The following MOV10L1 variants were observed in gnomAD, a reference collection of about 807,000 sequenced individuals.
MOV10L1 encodes the protein RNA helicase Mov10l1.
In MOV10L1, 110 loss-of-function variants were observed where a neutral mutation model predicts 143.8. The ratio of observed to expected loss-of-function variants is 0.76; its 90% CI spans 0.66 to 0.90. The LOEUF is 0.90. Ranked by LOEUF, MOV10L1 falls within the 40% of genes least tolerant of loss-of-function variation. MOV10L1 has a pLI of 0.00. For missense variants in MOV10L1, 1,406 were observed against 1,526.8 expected (o/e 0.92, Z 1.32); for synonymous variants, 593 against 581.1 (o/e 1.02, Z -0.29).
chr22:50,115,163 A>G lies in MOV10L1; in HGVS notation c.1176A>G (p.Ser392=), dbSNP rs745605911. Residue 392 remains serine (S), a synonymous_variant, in exon 8 of 27, where the codon TCA becomes TCG. Coordinates refer to ENST00000262794, the MANE Select transcript of MOV10L1 (RefSeq NM_018995.3). ...GENGEKDNIL[S]RKQMTEPEPG... ...ATGGAGAAAAAGACAACATTCTATC[A>G]AGGAAGCAGATGACAGAGCCTGAGC... The G allele has an allele frequency of 1.9e-6, 3 of 1,572,080 alleles. No individual in the cohort carries two copies. Among genetic ancestry groups the G allele is most frequent in the Middle Eastern group, 1.7e-4 (1 of 5,958 alleles).
intron 15 of MOV10L1, among the ~76,000 whole-genome samples, chr22:50,139,650 A>G (rs901046546): frequency 2.6e-5 from 4 of 152,258 alleles, no homozygotes; most frequent in Non-Finnish European, 5.9e-5. Context: ...GTATTCGGAA[A>G]ACATATGAAA....
Position 50,134,550 on chromosome 22 carries a change from A to T in MOV10L1, c.1990A>T (p.Ile664Phe). The change falls in exon 15 of 27, where the codon ATT becomes TTT. Residue 664 changes from isoleucine to phenylalanine, a missense_variant. Ile to Phe is a conservative substitution (Grantham distance 21). Transcript: ENST00000262794. The stretch of plus-strand genomic sequence containing the variant: ...AAAAGTGTTGTTTCCAGAAGAAATT[A>T]TTTTACAGTCTCCACAAGTGACGGG... ...GVKVLFPEEI[I>F]LQSPQVTGNW... 6.2e-7 allele frequency: 1 copy of T among 1,614,130 alleles called. No homozygotes were observed. The highest frequency in any genetic ancestry group is 8.5e-7 in the Non-Finnish European group (1 of 1,179,998).
chr22:50,122,442 T>G (rs2062372570), intron 10 of MOV10L1, among the ~76,000 whole-genome samples: 2 of 152,378 alleles, frequency 1.3e-5, no homozygotes, highest in East Asian at 1.9e-4. Context: ...AACAGTTTTT[T>G]GTGGAATCTT....
At chr22:50,135,261 C>T (rs12628151) in intron 15 of MOV10L1, among the ~76,000 whole-genome samples, 34,028 of 151,582 alleles carry the variant, frequency 0.22, 4,179 homozygotes, top group Admixed American at 0.35. Context: ...ATCCACCCTC[C>T]TCGGCCTCCC....
chr22:50,160,555 T>G, intron 24 of MOV10L1, 133 bp from the exon 25 acceptor site: 1 of 1,201,324 alleles, frequency 8.3e-7, no homozygotes, highest in Non-Finnish European at 1.1e-6. Flanking sequence ...CCCGGCCTCC[T>G]GTTTCTTTTT....
chr22:50,108,344 G>T, intron 4 of MOV10L1, 96 bp downstream of exon 4: 1 of 1,168,464 alleles, frequency 8.6e-7, no homozygotes, highest in Non-Finnish European at 1.3e-6. Context: ...TGTGTTGGAA[G>T]CCTGGAAAAA....
intron 15 of MOV10L1, among the ~76,000 whole-genome samples, chr22:50,137,611 A>G (rs551775431): frequency 3.3e-5 from 5 of 152,050 alleles, no homozygotes; most frequent in Admixed American, 2.6e-4. Context: ...AGGCTGAGGC[A>G]GGAGAATCGC....
chr22:50,111,000 T>G (rs2062008946), intron 5 of MOV10L1, among the ~76,000 whole-genome samples: 1 of 152,160 alleles, frequency 6.6e-6, no homozygotes, highest in South Asian at 2.1e-4. Flanking sequence ...ATGACGAGGC[T>G]TCCCTGAGCT....
chr22:50,110,172 G>C (rs543714343), intron 5 of MOV10L1, among the ~76,000 whole-genome samples: 7 of 151,716 alleles, frequency 4.6e-5, no homozygotes, highest in African/African-American at 1.2e-4. Flanking sequence ...CTGTCTTGCC[G>C]GGCGCGGTGG....
chr22:50,150,650 G>C, intron 20 of MOV10L1, 85 bp from the exon 21 acceptor site: 1 of 1,451,840 alleles, frequency 6.9e-7, no homozygotes, highest in South Asian at 1.3e-5. Context: ...GGGCCATCCT[G>C]CGCACAGCCC....
At chr22:50,097,028 G>C (rs770075001) in intron 2 of MOV10L1, among the ~76,000 whole-genome samples, 24 of 152,106 alleles carry the variant, frequency 1.6e-4, no homozygotes, top group Non-Finnish European at 3.2e-4. Flanking sequence ...TCACACTCAA[G>C]ATACCATTGA....
At chr22:50,140,518 C>G (rs1356443332) in intron 15 of MOV10L1, among the ~76,000 whole-genome samples, 1 of 151,974 alleles carries the variant, frequency 6.6e-6, no homozygotes, top group African/African-American at 2.4e-5. Context: ...TGTCTTGGGC[C>G]ACACATAAAA....
At chr22:50,125,254 C>T (rs2062464435) in intron 10 of MOV10L1, 138 bp from the exon 11 acceptor site, 1 of 773,268 alleles carries the variant, frequency 1.3e-6, no homozygotes, top group Non-Finnish European at 2.1e-6. Flanking sequence ...GAGGCACCTG[C>T]AGACTCCGGC....
At chr22:50,143,907 A>T (rs9628290) in intron 17 of MOV10L1, among the ~76,000 whole-genome samples, 190 bp from the exon 18 acceptor site, 234 of 152,264 alleles carry the variant, frequency 1.5e-3, no homozygotes, top group African/African-American at 5.5e-3. Context: ...GAACCTTCCC[A>T]CCTAACCCAT....
At chr22:50,114,724 G>A (rs1207599756) in intron 7 of MOV10L1, 102 bp downstream of exon 7, 18 of 1,495,436 alleles carry the variant, frequency 1.2e-5, no homozygotes, top group Non-Finnish European at 1.5e-5. Flanking sequence ...CAGGACACCC[G>A]GCAGCTACAG....
Position 50,160,751 on chromosome 22 carries a change from A to T in MOV10L1, c.3388A>T (p.Lys1130Ter). 6 of 1,614,148 alleles carry T rather than the reference A, an allele frequency of 3.7e-6. No homozygotes were observed. The highest frequency in any genetic ancestry group is 5.1e-6 in the Non-Finnish European group (6 of 1,180,026). ...RYFLGFLSNS[K>*]RFNVAITRPK... ...TTTTTTGGGTTTCTTGTCCAACTCA[A>T]AAAGATTTAATGTTGCAATCACCAG... Residue 1130 changes from lysine to a stop codon, truncating the protein, a stop_gained, in exon 25 of 27, where the codon AAA (lysine) becomes TAA (stop). Coordinates refer to ENST00000262794, the MANE Select transcript of MOV10L1 (RefSeq NM_018995.3). LOFTEE classifies it high-confidence loss of function.
At chr22:50,091,926 C>T (rs2062454964) in intron 1 of MOV10L1, 75 bp from the exon 2 acceptor site, 9 of 1,454,850 alleles carry the variant, frequency 6.2e-6, no homozygotes, top group Non-Finnish European at 8.4e-6. Context: ...TGCACTCTGC[C>T]TTTCTCTGGT....
intron 10 of MOV10L1, among the ~76,000 whole-genome samples, chr22:50,122,842 C>T (rs146412066): frequency 1.7e-4 from 26 of 151,160 alleles, no homozygotes; most frequent in East Asian, 5.9e-4. Flanking sequence ...AGTGCAGTGG[C>T]GCAATCACAG....
rs2063335192 is a variant in MOV10L1, at chr22:50,152,910, C to A, written c.2893-135C>A. 2 of 857,536 alleles carry A rather than the reference C, an allele frequency of 2.3e-6. No individual in the cohort carries two copies. The highest frequency in any genetic ancestry group is 3.6e-6 in the Non-Finnish European group (2 of 549,558). The allele number at this position is 857,536 out of a possible 1,614,324, so 53.1% of individuals were successfully genotyped here. A position where few individuals can be genotyped will look rare whatever the true frequency, so the allele number is the denominator to read the frequency against. On this transcript the variant is annotated intron_variant, in intron 21 of 26. Transcript: ENST00000262794. The surrounding 1 kb of genome is among the most constrained non-coding windows in gnomAD (Gnocchi z 4.4). ...GGGCTTGGTCTGGGGGCAGGCGACA[C>A]ACAGGGGCGCAGGAGCAGAGTCAGG...
Sources: allele counts gnomAD v4.1 joint callset (sites outside exome capture counted in the v4.1 genomes callset), GRCh38; gene constraint gnomAD v4.1.1; non-coding constraint Gnocchi (gnomAD v3.1); transcripts MANE v1.5; gene names NCBI Gene and HGNC (gene_info 2026-07-23, HGNC 2026-07-21).